IGFL4: variants seen among roughly 807,000 people sequenced by gnomAD.
IGFL4 encodes the protein insulin growth factor-like family member 4.
A neutral mutation model predicts 15.4 loss-of-function variants in IGFL4; 12 were observed. The ratio of observed to expected loss-of-function variants is 0.78; its 90% CI spans 0.50 to 1.26. The LOEUF (loss-of-function observed/expected upper bound fraction) is 1.26, where lower values mean the gene tolerates loss of function less well. IGFL4 is among the 50% of genes most tolerant of loss of function. The pLI is 0.00. For synonymous variants in IGFL4, 54 were observed against 55.9 expected, an observed-to-expected ratio of 0.97 and a Z score of 0.16; for missense variants, 126 against 147.8, an observed-to-expected ratio of 0.85 and a Z score of 0.76.
chr19:46,047,611 A>G (rs2146513538), intron 2 of IGFL4, among the ~76,000 whole-genome samples: 1 of 152,372 alleles, frequency 6.6e-6, no homozygotes, highest in Non-Finnish European at 1.5e-5. Context: ...CCCCACGGAA[A>G]TATAAACAAA....
intron 1 of IGFL4, among the ~76,000 whole-genome samples, chr19:46,075,614 A>C (rs1051040358): frequency 6.6e-6 from 1 of 152,178 alleles, no homozygotes; most frequent in Non-Finnish European, 1.5e-5. Context: ...CCTATCAAGG[A>C]GATACTGTCA....
rs1179213340 is a variant in IGFL4, at chr19:46,048,075, C to A, written c.-322-6965G>T. Among the ~76,000 whole-genome samples, 13 of 152,274 alleles carry A rather than the reference C, an allele frequency of 8.5e-5. No homozygotes were observed. The South Asian group carries it at 2.7e-3, about 32-fold the overall frequency. On this transcript the variant is annotated intron_variant, in intron 2 of 5. Coordinates refer to the IGFL4 transcript ENST00000601672. The stretch of plus-strand genomic sequence containing the variant: ...CAGCAAAAAGCTTATCCACCATGAC[C>A]ACATTGGCTTCATCCCTGGGATGCA...
At chr19:46,052,945 G>A (rs144754810) in intron 2 of IGFL4, among the ~76,000 whole-genome samples, 1 of 109,672 alleles carries the variant, frequency 9.1e-6, no homozygotes, top group African/African-American at 3.7e-5. Context: ...GAATTGAAAA[G>A]CTTTGGGAGA....
At chr19:46,059,394 C>T (rs1302377348) in intron 2 of IGFL4, 2 of 152,108 alleles carry the variant, frequency 1.3e-5, no homozygotes, top group African/African-American at 2.4e-5. Flanking sequence ...GCTTTCCTGC[C>T]TAACTGTTAG....
chr19:46,042,347 C>A (rs560507313), upstream of IGFL4, among the ~76,000 whole-genome samples: 1 of 152,144 alleles, frequency 6.6e-6, no homozygotes, highest in Non-Finnish European at 1.5e-5. Flanking sequence ...ACAGCTGCTG[C>A]GGAAACAGAC....
chr19:46,057,726 G>C (rs1969406164), intron 2 of IGFL4: 1 of 152,134 alleles, frequency 6.6e-6, no homozygotes, highest in Admixed American at 6.5e-5. Flanking sequence ...TGGTTGAGGA[G>C]GCCTCACAAT....
Position 46,040,349 on chromosome 19 carries a change from C to T in IGFL4, c.138G>A (p.Gln46=), listed in dbSNP as rs374773122. ...CGEWTYNPLE[Q]CCDDGVILDL... ...CTAGGATGACACCGTCATCACAGCA[C>T]TGCTCCAAGGGGTTGTAGGTCCACT... The change falls in exon 3 of 4, where the codon CAG becomes CAA. Residue 46 remains glutamine, a synonymous_variant. Transcript: ENST00000377697. The surrounding 1 kb of genome is among the most constrained non-coding windows in gnomAD (Gnocchi z 4.1). 141 of 1,614,086 alleles carry T rather than the reference C, an allele frequency of 8.7e-5. No homozygotes were observed. The highest frequency in any genetic ancestry group is 1.2e-4 in the Non-Finnish European group (138 of 1,180,036).
intron 2 of IGFL4, among the ~76,000 whole-genome samples, chr19:46,049,817 C>T (rs534436336): frequency 3.9e-5 from 6 of 152,294 alleles, no homozygotes; most frequent in South Asian, 2.1e-4. Flanking sequence ...CCACAGCTGA[C>T]GCGCTCTTAA....
intron 1 of IGFL4, among the ~76,000 whole-genome samples, chr19:46,067,936 A>G (rs1969510252): frequency 6.6e-6 from 1 of 152,220 alleles, no homozygotes; most frequent in African/African-American, 2.4e-5. Context: ...TCCAGCAATG[A>G]TGACAAACAT....
intron 2 of IGFL4, among the ~76,000 whole-genome samples, chr19:46,053,667 G>A (rs117204672): frequency 8.1e-4 from 123 of 152,184 alleles, no homozygotes; most frequent in African/African-American, 2.5e-3. Context: ...ATGATATAGT[G>A]GTTGTTTTTA....
At chr19:46,045,711 C>A (rs1351796532), upstream of IGFL4, among the ~76,000 whole-genome samples, 1 of 151,678 alleles carries the variant, frequency 6.6e-6, no homozygotes, top group Non-Finnish European at 1.5e-5. Flanking sequence ...TACAGGCAGA[C>A]AAGAATAGAG....
chr19:46,045,198 A>C (rs760246072), upstream of IGFL4, among the ~76,000 whole-genome samples: 1 of 152,174 alleles, frequency 6.6e-6, no homozygotes. Context: ...TAATCCCAGC[A>C]CTTTGGGAGG....
In IGFL4 at chr19:46,039,705, G is replaced by A; in HGVS notation, c.*187C>T. ...TTGGCTCTCTGTTTGTCTGTTGTTGGTGTATAAGAATGCTTGTGATTTTTG... is the reference window on the plus strand; with the variant it reads ...TTGGCTCTCTGTTTGTCTGTTGTTGATGTATAAGAATGCTTGTGATTTTTG... On this transcript the variant is annotated 3_prime_UTR_variant, in exon 4 of 4. Coordinates refer to ENST00000377697, the MANE Select transcript of IGFL4 (RefSeq NM_001002923.3). The A allele has an allele frequency of 1.9e-6, 1 of 523,238 alleles. No homozygotes were observed. Among genetic ancestry groups the A allele is most frequent in the Non-Finnish European group, 3.6e-6 (1 of 280,966 alleles). 32.4% of individuals were successfully genotyped at this position (523,238 alleles called of 1,614,324 possible). A position where few individuals can be genotyped will look rare whatever the true frequency, so the allele number is the denominator to read the frequency against.
intron 1 of IGFL4, among the ~76,000 whole-genome samples, chr19:46,062,454 A>G (rs988541079): frequency 6.6e-6 from 1 of 152,244 alleles, no homozygotes; most frequent in African/African-American, 2.4e-5. Flanking sequence ...AGAGCAGCCA[A>G]TTTTGAGCTT....
intron 1 of IGFL4, among the ~76,000 whole-genome samples, chr19:46,069,561 T>C (rs553358315): frequency 7.9e-5 from 12 of 152,310 alleles, no homozygotes; most frequent in Non-Finnish European, 1.5e-4. Context: ...TTTTCCCTTC[T>C]TATAAATAAG....
chr19:46,064,319 T>C (rs1334312788), intron 1 of IGFL4, among the ~76,000 whole-genome samples: 2 of 152,186 alleles, frequency 1.3e-5, no homozygotes, highest in African/African-American at 4.8e-5. Flanking sequence ...CCAATTACAC[T>C]CTTGGTTATT....
Position 46,061,145 on chromosome 19 carries a change from C to T in IGFL4, c.-431-852G>A, listed in dbSNP as rs575906948. Among the ~76,000 whole-genome samples, 3 of 152,246 alleles carry T rather than the reference C, an allele frequency of 2.0e-5. 1 individual carries two copies. The South Asian group carries it at 6.2e-4, about 32-fold the overall frequency. The stretch of plus-strand genomic sequence containing the variant: ...CAAACCTTTCATAACTTGCTTAAAC[C>T]TTCAGCTTTATTCTATCTTAAAACT... On this transcript the variant is annotated intron_variant, in intron 1 of 5. Transcript: ENST00000601672.
chr19:46,075,107 T>A (rs1386452950), intron 1 of IGFL4, among the ~76,000 whole-genome samples: 1 of 152,204 alleles, frequency 6.6e-6, no homozygotes, highest in Non-Finnish European at 1.5e-5. Context: ...TAGAACAGCA[T>A]TAGATTTACA....
rs183685694 is a variant in IGFL4 at position 46,060,710 on chromosome 19, A to G, written c.-431-417T>C. Among the ~76,000 whole-genome samples the G allele has an allele frequency of 3.7e-3, 570 of 152,332 alleles. 5 individuals carry two copies. The highest frequency in any genetic ancestry group is 0.013 in the African/African-American group (532 of 41,570). Reference sequence around the variant, plus strand: ...ATGTACACTAAGTTATATTAGAATAATAAGAGTTTCTCATGATTTGGGAAC... The same window carrying G: ...ATGTACACTAAGTTATATTAGAATAGTAAGAGTTTCTCATGATTTGGGAAC... On this transcript the variant is annotated intron_variant, in intron 1 of 5. Transcript: ENST00000601672.
Sources: gnomAD v4.1 joint callset for allele counts (sites outside exome capture counted in the v4.1 genomes callset) on GRCh38, gnomAD v4.1.1 for gene constraint, Gnocchi (gnomAD v3.1) non-coding constraint, MANE v1.5 for transcripts, NCBI Gene and HGNC (gene_info 2026-07-23, HGNC 2026-07-21) for gene names.